Variants in POTEC observed in about 807,000 individuals in gnomAD.
POTEC encodes the protein POTE ankyrin domain family member C.
A neutral mutation model predicts 62.0 loss-of-function variants in POTEC; 35 were observed. The ratio of observed to expected loss-of-function variants is 0.56; its 90% CI spans 0.43 to 0.75. The LOEUF (loss-of-function observed/expected upper bound fraction) is 0.75. Ranked by LOEUF, POTEC falls within the 30% of genes least tolerant of loss-of-function variation. POTEC has a pLI of 0.00. For synonymous variants in POTEC, 156 were observed against 221.5 expected (o/e 0.70, Z 2.62); for missense variants, 472 against 655.9 (o/e 0.72, Z 3.06).
At chr18:14,517,205 G>C (rs1266859798) in intron 9 of POTEC, among the ~76,000 whole-genome samples, 1 of 151,944 alleles carries the variant, frequency 6.6e-6, no homozygotes, top group Non-Finnish European at 1.5e-5. Context: ...TTTGAACATA[G>C]TTAATTGAAG....
chr18:14,515,724 C>G (rs1378962828), intron 9 of POTEC, among the ~76,000 whole-genome samples: 2 of 151,764 alleles, frequency 1.3e-5, no homozygotes, highest in Non-Finnish European at 2.9e-5. Context: ...AAATAATCAT[C>G]AAAGTGAGCC....
intron 10 of POTEC, among the ~76,000 whole-genome samples, chr18:14,512,510 G>A (rs1598475528): frequency 6.6e-6 from 1 of 152,274 alleles, no homozygotes; most frequent in East Asian, 1.9e-4. Flanking sequence ...TTAAATCTAA[G>A]CATTGTACCC....
intron 3 of POTEC, 39 bp from the exon 4 acceptor site, chr18:14,535,046 A>T: frequency 6.3e-7 from 1 of 1,593,220 alleles, no homozygotes; most frequent in South Asian, 1.1e-5. Flanking sequence ...ATGTAATTCA[A>T]AAAATTATGT....
intron 3 of POTEC, among the ~76,000 whole-genome samples, chr18:14,537,212 A>ACAC (rs1905763794): frequency 0.032 from 1,920 of 60,194 alleles, 15 homozygotes; most frequent in Non-Finnish European, 0.041. Context: ...CACACACACA[A>ACAC]AAAAAAAAAA....
intron 1 of POTEC, among the ~76,000 whole-genome samples, chr18:14,541,262 G>A (rs1183109031): frequency 6.6e-6 from 1 of 152,084 alleles, no homozygotes; most frequent in East Asian, 1.9e-4. Flanking sequence ...TCTCTTAGCA[G>A]GAATGCTATG....
At chr18:14,529,245 C>T (rs573373062) in intron 6 of POTEC, among the ~76,000 whole-genome samples, 113 of 152,132 alleles carry the variant, frequency 7.4e-4, no homozygotes, top group African/African-American at 2.7e-3. Flanking sequence ...TAATAACAAG[C>T]TCCTGTCTGT....
chr18:14,512,588 C>A (rs993114502), intron 10 of POTEC, among the ~76,000 whole-genome samples: 3 of 152,202 alleles, frequency 2.0e-5, no homozygotes, highest in Admixed American at 6.5e-5. Flanking sequence ...CATTTAGGAT[C>A]ACGATTCTTA....
At chr18:14,536,798 T>G (rs1905728376) in intron 3 of POTEC, among the ~76,000 whole-genome samples, 1 of 152,082 alleles carries the variant, frequency 6.6e-6, no homozygotes, top group African/African-American at 2.4e-5. Flanking sequence ...CACCACAAAA[T>G]TTTCCCCAGT....
At chr18:14,542,461 T>C (rs1905969326) in intron 1 of POTEC, among the ~76,000 whole-genome samples, 165 bp downstream of exon 1, 1 of 152,156 alleles carries the variant, frequency 6.6e-6, no homozygotes, top group Non-Finnish European at 1.5e-5. Context: ...TTTGTGTTGC[T>C]GTTTATAAAG....
rs1178944182 is a variant in POTEC, at chr18:14,542,823, G to T, written c.324C>A (p.Cys108Ter). 1.2e-6 allele frequency: 2 copies of T among 1,613,334 alleles called. No homozygotes were observed. Among genetic ancestry groups the T allele is most frequent in the Admixed American group, 3.3e-5 (2 of 59,964 alleles). Residue 108 changes from cysteine (C) to a stop codon, truncating the protein, a stop_gained, in exon 1 of 11, where the codon TGC (cysteine) becomes TGA (stop). Coordinates refer to ENST00000358970, the MANE Select transcript of POTEC (RefSeq NM_001137671.2). LOFTEE classifies it high-confidence loss of function. ...CGTTGCTCTTGCCGCTCCCCCTGCA[G>T]CAGGGGAAGCAGTGACAGCACCACT... ...MGKWCCHCFP[C>*]CRGSGKSNVG...
At position 14,524,902 on chromosome 18, in the gene POTEC, A is replaced by G; in HGVS notation, c.1197+11T>C. 6.2e-7 allele frequency: 1 copy of G among 1,605,098 alleles called. No individual in the cohort carries two copies. Among genetic ancestry groups the G allele is most frequent in the Non-Finnish European group, 8.5e-7 (1 of 1,177,242 alleles). ...ATTAAATCAAAAATTTAAATTTAAA[A>G]TTTTCCATGCCTCTGGCTGGCTATT... On this transcript the variant is annotated intron_variant, in intron 7 of 10. Coordinates refer to ENST00000358970, the MANE Select transcript of POTEC (RefSeq NM_001137671.2).
Position 14,515,953 on chromosome 18 carries a change from A to C in POTEC, c.1410-2168T>G, listed in dbSNP as rs1910139046. On this transcript the variant is annotated intron_variant, in intron 9 of 10. Coordinates refer to ENST00000358970, the MANE Select transcript of POTEC (RefSeq NM_001137671.2). Reference sequence around the variant, plus strand: ...TAAATATTACTAATCATCAGGGTACAATAAAACAACAGTGAGATATCACCT... The same window carrying C: ...TAAATATTACTAATCATCAGGGTACCATAAAACAACAGTGAGATATCACCT... Among the ~76,000 whole-genome samples, 7 of 152,160 alleles carry C rather than the reference A, an allele frequency of 4.6e-5. No individual in the cohort carries two copies. The South Asian group carries it at 1.5e-3, about 32-fold the overall frequency.
intron 6 of POTEC, among the ~76,000 whole-genome samples, chr18:14,529,884 CCTTA>C (rs1297935302): frequency 3.3e-5 from 5 of 152,114 alleles, no homozygotes; most frequent in African/African-American, 1.2e-4. Context: ...ATCAAAAATT[CCTTA>C]CTTTTATTTT....
chr18:14,529,308 G>C (rs1248847396), intron 6 of POTEC, among the ~76,000 whole-genome samples: 1 of 152,012 alleles, frequency 6.6e-6, no homozygotes, highest in Non-Finnish European at 1.5e-5. Context: ...GTATCTAAAG[G>C]ACATTTAATA....
intron 6 of POTEC, chr18:14,527,718 C>A (rs1275210951): frequency 1.3e-5 from 2 of 151,694 alleles, no homozygotes; most frequent in East Asian, 3.9e-4. Flanking sequence ...TACAAACAAC[C>A]CTTCCAACTA....
rs1196995494 is a variant in POTEC at position 14,543,359 on chromosome 18, A to T, written c.-213T>A. 1.2e-6 allele frequency: 1 copy of T among 810,314 alleles called. No homozygotes were observed. The highest frequency in any genetic ancestry group is 2.7e-5 in the East Asian group (1 of 36,478). The allele number at this position is 810,314 out of a possible 1,614,324, so 50.2% of individuals were successfully genotyped here. The stretch of plus-strand genomic sequence containing the variant: ...GGGAAAGCCCACGCCCACCAGGGGG[A>T]CCCAACGCCCACCCCAGGAAAGGCC... On this transcript the variant is annotated 5_prime_UTR_variant, in exon 1 of 11. Transcript: ENST00000358970.
At chr18:14,514,805 TAC>T (rs1449573661) in intron 9 of POTEC, among the ~76,000 whole-genome samples, 1 of 152,164 alleles carries the variant, frequency 6.6e-6, no homozygotes. Flanking sequence ...TAGAAAACTC[TAC>T]AGACTCCTAC....
At chr18:14,526,236 C>A (rs1167988678) in intron 6 of POTEC, among the ~76,000 whole-genome samples, 1 of 152,028 alleles carries the variant, frequency 6.6e-6, no homozygotes, top group Non-Finnish European at 1.5e-5. Context: ...GGGAAGTCTT[C>A]CTTGATTCTG....
At chr18:14,515,211 C>T (rs974704711) in intron 9 of POTEC, among the ~76,000 whole-genome samples, 60 of 152,292 alleles carry the variant, frequency 3.9e-4, no homozygotes, top group African/African-American at 1.4e-3. Flanking sequence ...AGCTGCCATT[C>T]ATGTAGAACC....
Sources: allele counts gnomAD v4.1 joint callset (sites outside exome capture counted in the v4.1 genomes callset), GRCh38; gene constraint gnomAD v4.1.1; transcripts MANE v1.5; gene names NCBI Gene and HGNC (gene_info 2026-07-23, HGNC 2026-07-21).